The following MCTP1 variants were observed in gnomAD, a reference collection of about 807,000 sequenced individuals.
MCTP1 encodes multiple C2 and transmembrane domain-containing protein 1.
In MCTP1, 69 loss-of-function variants were observed where a neutral mutation model predicts 120.6. The observed-to-expected ratio is 0.57, with a 90% confidence interval of 0.47 to 0.70. MCTP1 has a LOEUF of 0.70. MCTP1 is among the 30% of genes least tolerant of loss of function. The pLI is 0.00. For synonymous variants in MCTP1, 529 were observed against 493.1 expected, an observed-to-expected ratio of 1.07 and a Z score of -0.96; for missense variants, 1,203 against 1,248.8, an observed-to-expected ratio of 0.96 and a Z score of 0.55.
At chr5:94,834,810 CTCTTTT>C (rs900008835) in intron 17 of MCTP1, among the ~76,000 whole-genome samples, 6 of 125,760 alleles carry the variant, frequency 4.8e-5, no homozygotes, top group Non-Finnish European at 9.8e-5. Flanking sequence ...ATAACATTCT[CTCTTTT>C]TTTTTTTTTT....
intron 19 of MCTP1, among the ~76,000 whole-genome samples, chr5:94,716,730 G>T (rs1262973302): frequency 6.6e-6 from 1 of 150,918 alleles, no homozygotes; most frequent in Non-Finnish European, 1.5e-5. Flanking sequence ...AACCTCAGCA[G>T]GAAATTTACG....
intron 17 of MCTP1, among the ~76,000 whole-genome samples, chr5:94,839,058 T>C (rs991198331): frequency 1.3e-5 from 2 of 152,202 alleles, no homozygotes; most frequent in Admixed American, 1.3e-4. Flanking sequence ...TACGCTTTTT[T>C]GCTCATTAAT....
At chr5:94,908,952 T>C (rs1807693649) in intron 10 of MCTP1, among the ~76,000 whole-genome samples, 1 of 152,110 alleles carries the variant, frequency 6.6e-6, no homozygotes, top group African/African-American at 2.4e-5. Flanking sequence ...ATATGGTCTT[T>C]GTTCCTTTAT....
chr5:95,252,484 G>A (rs187743682), intron 1 of MCTP1, among the ~76,000 whole-genome samples: 2 of 152,130 alleles, frequency 1.3e-5, no homozygotes, highest in African/African-American at 2.4e-5. Context: ...AAGAGATAAA[G>A]AATGTGCAAT....
chr5:95,012,424 C>A (rs1836192319), intron 2 of MCTP1, among the ~76,000 whole-genome samples: 1 of 151,910 alleles, frequency 6.6e-6, no homozygotes, highest in Admixed American at 6.6e-5. Flanking sequence ...TATACGCATA[C>A]CTCATTTCAT....
At chr5:94,748,515 T>C (rs967889497) in intron 19 of MCTP1, among the ~76,000 whole-genome samples, 2 of 152,226 alleles carry the variant, frequency 1.3e-5, no homozygotes, top group African/African-American at 4.8e-5. Context: ...GATTGCCTGA[T>C]CTCTTTAGTC....
At chr5:95,197,566 T>C (rs1174787675) in intron 1 of MCTP1, among the ~76,000 whole-genome samples, 1 of 152,084 alleles carries the variant, frequency 6.6e-6, no homozygotes, top group African/African-American at 2.4e-5. Flanking sequence ...CTACGACATA[T>C]TAATGAAAAA....
intron 2 of MCTP1, among the ~76,000 whole-genome samples, chr5:94,998,895 G>A (rs141637187): frequency 1.3e-5 from 2 of 152,154 alleles, no homozygotes; most frequent in African/African-American, 2.4e-5. Context: ...ACATAAGATG[G>A]GAAGGCTTAA....
At chr5:95,095,958 A>G (rs72779435) in intron 1 of MCTP1, among the ~76,000 whole-genome samples, 7,110 of 152,266 alleles carry the variant, frequency 0.047, 236 homozygotes, top group Middle Eastern at 0.065. Flanking sequence ...GAGACCTCCA[A>G]GGAGATGGCT....
intron 1 of MCTP1, among the ~76,000 whole-genome samples, chr5:95,252,017 C>T (rs1370017071): frequency 6.6e-6 from 1 of 152,062 alleles, no homozygotes; most frequent in Non-Finnish European, 1.5e-5. Context: ...GAATATCATA[C>T]ATCACAGGCA....
chr5:95,172,521 A>C (rs186837666), intron 1 of MCTP1, among the ~76,000 whole-genome samples: 21 of 152,284 alleles, frequency 1.4e-4, no homozygotes, highest in Non-Finnish European at 2.5e-4. Context: ...TAACCATTAG[A>C]GTGCTAAAAA....
intron 1 of MCTP1, among the ~76,000 whole-genome samples, chr5:95,200,447 A>C (rs1050966501): frequency 1.3e-5 from 2 of 152,250 alleles, no homozygotes; most frequent in African/African-American, 4.8e-5. Context: ...AAATCAAGCT[A>C]AGTGTCCTTC....
intron 19 of MCTP1, among the ~76,000 whole-genome samples, chr5:94,778,262 A>G (rs1775850974): frequency 6.6e-6 from 1 of 152,120 alleles, no homozygotes; most frequent in Non-Finnish European, 1.5e-5. Flanking sequence ...TTTACACGCC[A>G]AACAACGTGG....
rs984152507 is a variant in MCTP1 at position 94,732,327 on chromosome 5, A to AT, written c.2611-17442dup. Among the ~76,000 whole-genome samples the AT allele has an allele frequency of 1.8e-3, 261 of 147,216 alleles. 3 individuals carry two copies. Among genetic ancestry groups the AT allele is most frequent in the East Asian group, 0.01 (51 of 5,058 alleles). Reference sequence around the variant, plus strand: ...TCTTAAAACATTATGAGACTTCGTGATTTTTTTTTTTCTTAGCTCATTAGC... The same window carrying AT: ...TCTTAAAACATTATGAGACTTCGTGATTTTTTTTTTTTCTTAGCTCATTAGC... On this transcript the variant is annotated intron_variant, in intron 19 of 22. Transcript: ENST00000515393.
At chr5:94,748,012 C>T (rs950467066) in intron 19 of MCTP1, among the ~76,000 whole-genome samples, 1 of 152,166 alleles carries the variant, frequency 6.6e-6, no homozygotes, top group African/African-American at 2.4e-5. Context: ...ATTGCTTGAA[C>T]CCAGGAGTCA....
intron 1 of MCTP1, among the ~76,000 whole-genome samples, chr5:95,223,089 A>G (rs1753862612): frequency 6.6e-6 from 1 of 152,178 alleles, no homozygotes; most frequent in African/African-American, 2.4e-5. Context: ...CCACTTACTT[A>G]CTTATTTACT....
At chr5:94,747,043 GTT>G (rs1767062492) in intron 19 of MCTP1, among the ~76,000 whole-genome samples, 1 of 152,192 alleles carries the variant, frequency 6.6e-6, no homozygotes, top group South Asian at 2.1e-4. Context: ...GATAATGTAG[GTT>G]TCCAGCTTTT....
chr5:94,834,662 G>A (rs899053880), intron 17 of MCTP1, among the ~76,000 whole-genome samples: 3 of 152,112 alleles, frequency 2.0e-5, no homozygotes, highest in East Asian at 3.9e-4. Context: ...TTCAAAGGCC[G>A]CCGATTCCAG....
intron 19 of MCTP1, among the ~76,000 whole-genome samples, chr5:94,729,996 G>T (rs1762838415): frequency 6.6e-6 from 1 of 152,152 alleles, no homozygotes; most frequent in South Asian, 2.1e-4. Flanking sequence ...TAGTTAGGAG[G>T]CTACTACAGT....
Sources: allele counts gnomAD v4.1 joint callset (sites outside exome capture counted in the v4.1 genomes callset), GRCh38; gene constraint gnomAD v4.1.1; transcripts MANE v1.5; gene names NCBI Gene and HGNC (gene_info 2026-07-23, HGNC 2026-07-21).